The following CHODL variants were observed in gnomAD, a reference collection of about 807,000 sequenced individuals.
The protein encoded by CHODL is transmembrane protein MT75.
In CHODL, 29 loss-of-function variants were observed where a neutral mutation model predicts 34.5. That is an observed-to-expected ratio of 0.84 (90% CI 0.63 to 1.15). CHODL has a LOEUF of 1.15. CHODL is among the 50% of genes most tolerant of loss of function. The probability of loss-of-function intolerance (pLI) is 0.00; values close to 1 mark genes in which losing one functional copy is unlikely to be tolerated. For synonymous variants in CHODL, 125 were observed against 116.1 expected, an observed-to-expected ratio of 1.08 and a Z score of -0.49; for missense variants, 332 against 332.5, an observed-to-expected ratio of 1.00 and a Z score of 0.01.
intron 2 of CHODL, among the ~76,000 whole-genome samples, chr21:18,096,921 A>G (rs1052854169): frequency 6.6e-6 from 1 of 152,140 alleles, no homozygotes; most frequent in Non-Finnish European, 1.5e-5. Flanking sequence ...AGGCCCAGCT[A>G]TAAAATTTCT....
At chr21:18,187,227 C>T (rs1049603322) in intron 2 of CHODL, among the ~76,000 whole-genome samples, 1 of 152,144 alleles carries the variant, frequency 6.6e-6, no homozygotes, top group African/African-American at 2.4e-5. Context: ...CCTTTGTATA[C>T]ACCCAGTGTT....
At chr21:18,108,853 G>C (rs957995458) in intron 2 of CHODL, among the ~76,000 whole-genome samples, 1 of 151,822 alleles carries the variant, frequency 6.6e-6, no homozygotes, top group Non-Finnish European at 1.5e-5. Context: ...GTGTGTGTGT[G>C]TGTGTGTGTG....
chr21:17,974,903 G>T (rs756017181), intron 1 of CHODL, among the ~76,000 whole-genome samples: 2 of 148,406 alleles, frequency 1.3e-5, no homozygotes, highest in African/African-American at 2.5e-5. Context: ...TAATTCTGAG[G>T]CAGTCAAAAT....
chr21:18,078,709 T>C (rs948817579), intron 2 of CHODL, among the ~76,000 whole-genome samples: 1 of 152,206 alleles, frequency 6.6e-6, no homozygotes, highest in Non-Finnish European at 1.5e-5. Context: ...TTTCCACTCT[T>C]CTTTACTACA....
At chr21:18,248,250 CA>C (rs1195570762) in intron 1 of CHODL, among the ~76,000 whole-genome samples, 1 of 151,544 alleles carries the variant, frequency 6.6e-6, no homozygotes, top group Non-Finnish European at 1.5e-5. Flanking sequence ...GGGTGGTGAA[CA>C]GTAGCACATA....
chr21:18,026,240 A>G (rs975091916), intron 1 of CHODL, among the ~76,000 whole-genome samples: 1 of 152,224 alleles, frequency 6.6e-6, no homozygotes, highest in Non-Finnish European at 1.5e-5. Context: ...CATCTAACAG[A>G]TGCCACATTT....
At chr21:18,202,056 C>T (rs1268983121) in intron 2 of CHODL, among the ~76,000 whole-genome samples, 1 of 152,076 alleles carries the variant, frequency 6.6e-6, no homozygotes, top group Non-Finnish European at 1.5e-5. Context: ...CTGCCTGCCT[C>T]GGTCTCCCAA....
intron 1 of CHODL, among the ~76,000 whole-genome samples, chr21:17,941,418 C>T (rs1050804782): frequency 2.1e-4 from 31 of 144,974 alleles, no homozygotes; most frequent in Non-Finnish European, 4.0e-4. Flanking sequence ...GCTTAAAATA[C>T]ACATGCATGC....
chr21:18,218,259 C>A (rs576914915), intron 2 of CHODL, among the ~76,000 whole-genome samples: 1 of 152,318 alleles, frequency 6.6e-6, no homozygotes, highest in Non-Finnish European at 1.5e-5. Context: ...TGGACATCCT[C>A]TGAAATCTAG....
At chr21:18,181,107 A>G (rs1601113729) in intron 2 of CHODL, among the ~76,000 whole-genome samples, 2 of 152,168 alleles carry the variant, frequency 1.3e-5, no homozygotes, top group South Asian at 2.1e-4. Flanking sequence ...TTTTATTCCT[A>G]TTCCTATTTA....
At chr21:17,961,192 C>G (rs187052175) in intron 1 of CHODL, among the ~76,000 whole-genome samples, 1 of 152,120 alleles carries the variant, frequency 6.6e-6, no homozygotes, top group East Asian at 1.9e-4. Flanking sequence ...TCTCCCTATG[C>G]GTAAGACTTC....
At chr21:18,145,962 T>TTTGTTGTTG (rs757189150) in intron 2 of CHODL, among the ~76,000 whole-genome samples, 1 of 144,008 alleles carries the variant, frequency 6.9e-6, no homozygotes, top group Non-Finnish European at 1.5e-5. Flanking sequence ...GGTTTTGTTT[T>TTTGTTGTTG]TTGTTGTTGT....
intron 1 of CHODL, among the ~76,000 whole-genome samples, chr21:18,017,892 G>A (rs550634067): frequency 3.7e-4 from 57 of 152,350 alleles, no homozygotes; most frequent in African/African-American, 1.3e-3. Flanking sequence ...CGCCAGAGCG[G>A]TATTGCTGCT....
At chr21:18,024,889 T>C (rs1173395274) in intron 1 of CHODL, 1 of 152,190 alleles carries the variant, frequency 6.6e-6, no homozygotes, top group African/African-American at 2.4e-5. Context: ...TTTTATATTA[T>C]TAAATAGAAT....
intron 2 of CHODL, among the ~76,000 whole-genome samples, chr21:18,050,885 G>A (rs1056030387): frequency 3.5e-4 from 53 of 151,288 alleles, no homozygotes; most frequent in African/African-American, 1.2e-3. Context: ...GATTACTAGT[G>A]GTCCCCAGTT....
chr21:18,251,623 T>G (rs9974941), intron 1 of CHODL, among the ~76,000 whole-genome samples: 1 of 87,488 alleles, frequency 1.1e-5, no homozygotes, highest in South Asian at 2.9e-4. Flanking sequence ...TATAAAATAT[T>G]TATTTTATTT....
rs142672864 is a variant in CHODL at position 17,965,570 on chromosome 21, G to A, written c.-145+48170G>A. On this transcript the variant is annotated intron_variant, in intron 1 of 6. Coordinates refer to the CHODL transcript ENST00000400127. ...TCCATTACAATAAATTGCTACTTCCGTGGGCTTCTGTAAGCACGTGTTTAT... is the reference window on the plus strand; with the variant it reads ...TCCATTACAATAAATTGCTACTTCCATGGGCTTCTGTAAGCACGTGTTTAT... 2.3e-4 allele frequency among the ~76,000 whole-genome samples: 35 copies of A among 151,940 alleles called. 1 individual carries two copies. The East Asian group carries it at 4.3e-3, about 19-fold the overall frequency.
At chr21:17,954,171 A>C (rs2063480241) in intron 1 of CHODL, among the ~76,000 whole-genome samples, 1 of 152,202 alleles carries the variant, frequency 6.6e-6, no homozygotes, top group Non-Finnish European at 1.5e-5. Context: ...GGAGTATTAC[A>C]AGAGATAATG....
At chr21:18,241,533 G>T (rs776978038), upstream of CHODL, among the ~76,000 whole-genome samples, 1 of 152,116 alleles carries the variant, frequency 6.6e-6, no homozygotes. Context: ...GATCTGGAGC[G>T]CAAATGAATG....
Sources: allele counts gnomAD v4.1 joint callset (sites outside exome capture counted in the v4.1 genomes callset), GRCh38; gene constraint gnomAD v4.1.1; transcripts MANE v1.5; gene names NCBI Gene and HGNC (gene_info 2026-07-23, HGNC 2026-07-21).